Variants in STIL observed in about 807,000 individuals in gnomAD.
STIL encodes SCL-interrupting locus protein.
Under a neutral mutation model 110.1 loss-of-function variants are expected in STIL, and 55 were observed. The observed-to-expected ratio is 0.50, with a 90% CI of 0.40 to 0.63. STIL has a LOEUF of 0.63. STIL is among the 20% of genes least tolerant of loss of function. The pLI, the probability that STIL is intolerant of heterozygous loss-of-function variation, is 0.00. For synonymous variants in STIL, 481 were observed against 530.0 expected (o/e 0.91, Z 1.27); for missense variants, 1,358 against 1,530.0 (o/e 0.89, Z 1.87).
At chr1:47,287,091 G>C (rs554079091) in intron 10 of STIL, among the ~76,000 whole-genome samples, 1 of 152,054 alleles carries the variant, frequency 6.6e-6, no homozygotes, top group African/African-American at 2.4e-5. Flanking sequence ...GGTTGGGGAC[G>C]ATGGTTCACA....
chr1:47,274,803 C>G (rs908411987), intron 12 of STIL, among the ~76,000 whole-genome samples: 3 of 139,136 alleles, frequency 2.2e-5, no homozygotes, highest in Non-Finnish European at 4.9e-5. Context: ...ATATGTGGAG[C>G]AGACTATAGT....
chr1:47,305,374 C>T (rs1645926946), intron 2 of STIL: 5 of 202,370 alleles, frequency 2.5e-5, no homozygotes, highest in Non-Finnish European at 5.0e-5. Context: ...ATCCACCTGC[C>T]TCGGCCTCCC....
At position 47,262,959 on chromosome 1, in the gene STIL, T is replaced by A; in HGVS notation, c.2773A>T (p.Met925Leu). ...TSEEPKIEHV[M>L]QPLLHQPSDN... The stretch of plus-strand genomic sequence containing the variant: ...GATGGTTGATGAAGCAAGGGTTGCA[T>A]TACATGCTCAATTTTTGGTTCCTCT... Residue 925 changes from methionine to leucine, a missense_variant, in exon 15 of 17, where the codon ATG (methionine) becomes TTG (leucine). Met to Leu is a conservative substitution (Grantham distance 15). Transcript: ENST00000371877. The A allele has an allele frequency of 6.2e-7, 1 of 1,614,166 alleles. No homozygotes were observed. Among genetic ancestry groups the A allele is most frequent in the Admixed American group, 1.7e-5 (1 of 60,020 alleles).
At position 47,280,654 on chromosome 1, in the gene STIL, C is replaced by T. The variant is rs1014673459; in HGVS notation, c.1804G>A (p.Val602Ile). The T allele has an allele frequency of 5.6e-6, 9 of 1,614,024 alleles. No individual in the cohort carries two copies. Among genetic ancestry groups the T allele is most frequent in the South Asian group, 4.4e-5 (4 of 91,086 alleles). ...PPLPSYCSTN[V>I]CRCCQHHSHI... ...CTATGATGCTGACAACACCTGCAAA[C>T]GTTTGTGGAACAGTAAGATGGCAGT... is the stretch of plus-strand genomic sequence containing the variant. The change falls in exon 12 of 17, where the codon GTT becomes ATT. Residue 602 changes from valine to isoleucine, a missense_variant. Val to Ile is a conservative substitution (Grantham distance 29). Coordinates refer to ENST00000371877, the MANE Select transcript of STIL (RefSeq NM_001048166.1).
At chr1:47,299,675 G>A in intron 6 of STIL, 1 of 456,240 alleles carries the variant, frequency 2.2e-6, no homozygotes, top group East Asian at 4.5e-5. Context: ...TTACAGGTGT[G>A]AGCCACTGCG....
At chr1:47,285,023 T>TA (rs967584585) in intron 10 of STIL, among the ~76,000 whole-genome samples, 2 of 149,946 alleles carry the variant, frequency 1.3e-5, no homozygotes. Flanking sequence ...TTTTTGTCTT[T>TA]TTTTTTTTTT....
At chr1:47,258,700 C>T (rs1397693161) in intron 16 of STIL, among the ~76,000 whole-genome samples, 3 of 151,986 alleles carry the variant, frequency 2.0e-5, no homozygotes, top group East Asian at 1.9e-4. Flanking sequence ...TAGCAAGACA[C>T]CATCTCTGCA....
rs773973949 is a variant in STIL, at chr1:47,281,186, A to T, written c.1272T>A (p.Val424=). The T allele has an allele frequency of 6.2e-7, 1 of 1,613,304 alleles. No individual in the cohort carries two copies. The highest frequency in any genetic ancestry group is 2.2e-5 in the East Asian group (1 of 44,876). ...CATCCAACACAAGTGAAAGTTCAGG[A>T]ACTGATGGTTGGATCTTAGAAATCT... The part of the protein sequence containing the change: ...SQKISKIQPS[V]PELSLVLDGN... Residue 424 remains valine (V), a synonymous_variant, in exon 12 of 17, where the codon GTT becomes GTA. Coordinates refer to ENST00000371877, the MANE Select transcript of STIL (RefSeq NM_001048166.1).
chr1:47,302,344 T>C lies in STIL; in HGVS notation c.155A>G (p.Asn52Ser), dbSNP rs1265835092. The change falls in exon 4 of 17, where the codon AAT (asparagine) becomes AGT (serine). Residue 52 changes from asparagine to serine, a missense_variant and splice_region_variant. Transcript: ENST00000371877. Reference protein sequence around the residue: ...FIYLHLSYYRNPKLVVTEKTI... With the variant: ...FIYLHLSYYRSPKLVVTEKTI... ...CTTCTCAGTCACCACAAGCTTTGGA[T>C]TTCTGAAAAACAACAAGTCTTTTAT... The C allele has an allele frequency of 6.2e-7, 1 of 1,613,406 alleles. No individual in the cohort carries two copies. The highest frequency in any genetic ancestry group is 8.5e-7 in the Non-Finnish European group (1 of 1,179,348).
intron 9 of STIL, among the ~76,000 whole-genome samples, chr1:47,288,490 T>A (rs1164199088): frequency 2.0e-5 from 3 of 151,872 alleles, no homozygotes; most frequent in African/African-American, 4.8e-5. Context: ...AGAGACAGAG[T>A]TTCACCATGT....
intron 13 of STIL, among the ~76,000 whole-genome samples, 170 bp downstream of exon 13, chr1:47,271,906 G>A (rs967019332): frequency 1.3e-5 from 2 of 152,038 alleles, no homozygotes; most frequent in African/African-American, 4.8e-5. Flanking sequence ...GTTTGCAGGT[G>A]TAGTTTTATT....
At position 47,250,367 on chromosome 1, in the gene STIL, ATAAAAGAGTG is replaced by A. The variant is rs1644153339; in HGVS notation, c.*759_*768del. The stretch of plus-strand genomic sequence containing the variant: ...TAATTAAGGGGAAATACACTCTTGT[ATAAAAGAGTG>A]TAAGTTTTTATTAAGTTGTTTTTAA... On this transcript the variant is annotated 3_prime_UTR_variant, in exon 17 of 17. Coordinates refer to ENST00000371877, the MANE Select transcript of STIL (RefSeq NM_001048166.1). 1.4e-5 allele frequency: 2 copies of A among 141,144 alleles called. No individual in the cohort carries two copies. Among genetic ancestry groups the A allele is most frequent in the Non-Finnish European group, 3.2e-5 (2 of 61,952 alleles). 8.7% of individuals were successfully genotyped at this position (141,144 alleles called of 1,614,324 possible). A position where few individuals can be genotyped will look rare whatever the true frequency, so the allele number is the denominator to read the frequency against.
chr1:47,308,998 GC>G (rs1330044356), intron 2 of STIL, among the ~76,000 whole-genome samples: 3 of 151,434 alleles, frequency 2.0e-5, no homozygotes, highest in African/African-American at 7.3e-5. Flanking sequence ...ATTGCAGTGA[GC>G]CGAGATGGCG....
chr1:47,257,230 T>A (rs564731627), intron 16 of STIL, among the ~76,000 whole-genome samples: 6 of 152,214 alleles, frequency 3.9e-5, no homozygotes, highest in Non-Finnish European at 5.9e-5. Context: ...ATTAATCAGG[T>A]AGGCCTCAGA....
chr1:47,282,427 G>C lies in STIL; in HGVS notation c.1166C>G (p.Pro389Arg), dbSNP rs1205028354. ...SSQKLSSGKM[P>R]IHDHDSGVED... is the part of the protein sequence containing the mutation. The stretch of plus-strand genomic sequence containing the variant: ...AACACCAGAGTCGTGATCATGTATT[G>C]GCATCTTCCCAGAAGATAACTTTTG... The change falls in exon 11 of 17, where the codon CCA (proline) becomes CGA (arginine). Residue 389 changes from proline (P) to arginine (R), a missense_variant. Physicochemically the swap from Pro to Arg is moderately radical, Grantham distance 103. Transcript: ENST00000371877. 1 of 1,610,286 alleles carries C rather than the reference G, an allele frequency of 6.2e-7. No homozygotes were observed. The highest frequency in any genetic ancestry group is 8.5e-7 in the Non-Finnish European group (1 of 1,178,062).
At chr1:47,301,871 C>CTAAACTAAACTCTTAGAG in intron 4 of STIL, 123 bp from the exon 5 acceptor site, 1 of 859,684 alleles carries the variant, frequency 1.2e-6, no homozygotes, top group Non-Finnish European at 1.9e-6. Flanking sequence ...CTCTTAAATA[C>CTAAACTAAACTCTTAGAG]TAAACTAAAC....
chr1:47,313,713 C>G (rs1231196334), intron 1 of STIL, among the ~76,000 whole-genome samples: 2 of 152,210 alleles, frequency 1.3e-5, no homozygotes, highest in Non-Finnish European at 2.9e-5. Context: ...TGATCCCTTA[C>G]TACGTAGCAG....
At chr1:47,263,895 G>A (rs1036826517) in intron 14 of STIL, among the ~76,000 whole-genome samples, 2 of 151,866 alleles carry the variant, frequency 1.3e-5, no homozygotes, top group Non-Finnish European at 2.9e-5. Context: ...TGGGATTACA[G>A]GCATGCACCA....
chr1:47,302,143 A>G (rs888637516), intron 4 of STIL, 91 bp downstream of exon 4: 12 of 924,154 alleles, frequency 1.3e-5, no homozygotes, highest in African/African-American at 3.3e-5. Flanking sequence ...CTGGTCTTAA[A>G]CTCCTAGGTT....
Sources: allele counts gnomAD v4.1 joint callset (sites outside exome capture counted in the v4.1 genomes callset), GRCh38; gene constraint gnomAD v4.1.1; transcripts MANE v1.5; gene names NCBI Gene and HGNC (gene_info 2026-07-23, HGNC 2026-07-21).